Variants in SLC24A3 observed in about 807,000 individuals in gnomAD.
SLC24A3 encodes the protein sodium/potassium/calcium exchanger 3.
Under a neutral mutation model 75.8 loss-of-function variants are expected in SLC24A3, and 28 were observed. The observed-to-expected ratio is 0.37, with a 90% confidence interval of 0.27 to 0.51. The LOEUF (loss-of-function observed/expected upper bound fraction) is 0.51. SLC24A3 is among the 20% of genes least tolerant of loss of function. The pLI is 0.94. For synonymous variants in SLC24A3, 372 were observed against 334.1 expected (o/e 1.11, Z -1.24); for missense variants, 663 against 847.8 (o/e 0.78, Z 2.71).
At chr20:19,347,222 G>C (rs1283625522) in intron 2 of SLC24A3, among the ~76,000 whole-genome samples, 3 of 152,158 alleles carry the variant, frequency 2.0e-5, no homozygotes, top group Non-Finnish European at 4.4e-5. Flanking sequence ...GGGGTAGGGA[G>C]GAAGGAGGGA....
chr20:19,327,786 C>T (rs965338537), intron 2 of SLC24A3, among the ~76,000 whole-genome samples: 5 of 152,222 alleles, frequency 3.3e-5, no homozygotes, highest in East Asian at 1.9e-4. Context: ...TATGTAGAAG[C>T]GCGTTCATTC....
At chr20:19,556,319 C>A (rs959413165) in intron 3 of SLC24A3, among the ~76,000 whole-genome samples, 2 of 152,074 alleles carry the variant, frequency 1.3e-5, no homozygotes, top group Admixed American at 1.3e-4. Flanking sequence ...AAATAAAATT[C>A]TTTTCTTGCT....
chr20:19,668,751 C>T (rs1050676053), intron 8 of SLC24A3, among the ~76,000 whole-genome samples: 2 of 152,188 alleles, frequency 1.3e-5, no homozygotes, highest in Non-Finnish European at 1.5e-5. Context: ...GTAGCAGGTA[C>T]TAGAAGAACC....
intron 2 of SLC24A3, among the ~76,000 whole-genome samples, chr20:19,395,640 G>C (rs190781670): frequency 6.6e-6 from 1 of 152,178 alleles, no homozygotes; most frequent in Non-Finnish European, 1.5e-5. Context: ...GTAACTAAAC[G>C]CTGAAAATGT....
chr20:19,349,723 T>C (rs772606664), intron 2 of SLC24A3, among the ~76,000 whole-genome samples: 28 of 152,224 alleles, frequency 1.8e-4, no homozygotes, highest in Admixed American at 1.3e-3. Flanking sequence ...GACTCCTTTG[T>C]TGGCTCCTTT....
chr20:19,492,200 T>C (rs1178406335), intron 2 of SLC24A3, among the ~76,000 whole-genome samples: 1 of 152,214 alleles, frequency 6.6e-6, no homozygotes, highest in Non-Finnish European at 1.5e-5. Flanking sequence ...TCTTCTTTAC[T>C]ATACTCTAAA....
intron 6 of SLC24A3, among the ~76,000 whole-genome samples, chr20:19,615,567 C>G (rs1568673620): frequency 6.6e-6 from 1 of 152,144 alleles, no homozygotes; most frequent in African/African-American, 2.4e-5. Flanking sequence ...ACAACCAGAT[C>G]TCTAAAAAAT....
intron 6 of SLC24A3, among the ~76,000 whole-genome samples, chr20:19,628,206 AAAAAAAAAAAAAAAAAG>A (rs2031889762): frequency 6.9e-6 from 1 of 144,740 alleles, no homozygotes; most frequent in Non-Finnish European, 1.5e-5. Flanking sequence ...CCATCTCAAA[AAAAAAAAAAAAAAAAAG>A]AAAAAGAAAA....
chr20:19,693,967 G>A (rs1186386769), intron 13 of SLC24A3: 1 of 152,534 alleles, frequency 6.6e-6, no homozygotes, highest in Non-Finnish European at 1.5e-5. Context: ...AAAGGACATG[G>A]AGGAAAGGCA....
At chr20:19,584,321 G>C (rs1200664125) in intron 4 of SLC24A3, among the ~76,000 whole-genome samples, 2 of 152,046 alleles carry the variant, frequency 1.3e-5, no homozygotes. Flanking sequence ...TTTCCAGAAT[G>C]CCTCAAGGAA....
intron 2 of SLC24A3, among the ~76,000 whole-genome samples, chr20:19,318,354 T>C (rs774997999): frequency 1.9e-4 from 29 of 152,194 alleles, no homozygotes; most frequent in Non-Finnish European, 3.4e-4. Context: ...AGGTGGGCGA[T>C]GGTAGACCTA....
intron 6 of SLC24A3, among the ~76,000 whole-genome samples, chr20:19,604,917 AT>A (rs1310693955): frequency 6.6e-5 from 10 of 151,924 alleles, no homozygotes; most frequent in African/African-American, 2.4e-4. Flanking sequence ...TCTAAATCTC[AT>A]CCTTTTTCCA....
intron 1 of SLC24A3, among the ~76,000 whole-genome samples, chr20:19,263,071 G>T (rs1983046067): frequency 6.8e-6 from 1 of 146,500 alleles, no homozygotes; most frequent in South Asian, 2.1e-4. Context: ...GTGTGTGTGT[G>T]TTTTCTGTTG....
In SLC24A3 at chr20:19,480,907, A is replaced by G. The variant is rs182306822; in HGVS notation, c.272-34581A>G. On this transcript the variant is annotated intron_variant, in intron 2 of 16. Coordinates refer to ENST00000328041, the MANE Select transcript of SLC24A3 (RefSeq NM_020689.4). ...AGTAAGCCCAGAAAAATCCAATAGA[A>G]TTTAACAAATACATATTGACTACCC... Among the ~76,000 whole-genome samples the G allele has an allele frequency of 1.6e-4, 25 of 152,312 alleles. No homozygotes were observed. The East Asian group carries it at 4.2e-3, about 26-fold the overall frequency.
intron 3 of SLC24A3, among the ~76,000 whole-genome samples, chr20:19,521,764 T>C (rs567591865): frequency 1.3e-5 from 2 of 152,326 alleles, no homozygotes; most frequent in South Asian, 4.1e-4. Context: ...CAGATTGCTG[T>C]TGTTCAGAGC....
chr20:19,214,346 C>G (rs2122123366), intron 1 of SLC24A3, among the ~76,000 whole-genome samples: 1 of 152,326 alleles, frequency 6.6e-6, no homozygotes, highest in Middle Eastern at 3.4e-3. Context: ...GAAGCAGAAT[C>G]TCTCCCAGGG....
At chr20:19,492,048 G>A (rs954180104) in intron 2 of SLC24A3, among the ~76,000 whole-genome samples, 5 of 152,166 alleles carry the variant, frequency 3.3e-5, no homozygotes, top group East Asian at 1.9e-4. Context: ...ACACCGAAGC[G>A]GGGTGCAGAT....
rs190647488 is a variant in SLC24A3, at chr20:19,681,134, G to A, written c.768-724G>A. On this transcript the variant is annotated intron_variant, in intron 9 of 16. Coordinates refer to ENST00000328041, the MANE Select transcript of SLC24A3 (RefSeq NM_020689.4). ...AGGGAGACTGTAAAAAACCATCCTC[G>A]GAACTTGTACAAGCTTCTTCCCTTC... 1.9e-3 allele frequency among the ~76,000 whole-genome samples: 291 copies of A among 152,274 alleles called. 1 individual carries two copies. The highest frequency in any genetic ancestry group is 6.4e-3 in the African/African-American group (265 of 41,552).
intron 2 of SLC24A3, among the ~76,000 whole-genome samples, chr20:19,356,080 C>T (rs1423657149): frequency 6.6e-6 from 1 of 152,182 alleles, no homozygotes; most frequent in Non-Finnish European, 1.5e-5. Flanking sequence ...CAGGTATTCT[C>T]ACTGAGATGA....
Sources: gnomAD v4.1 joint callset for allele counts (sites outside exome capture counted in the v4.1 genomes callset) on GRCh38, gnomAD v4.1.1 for gene constraint, MANE v1.5 for transcripts, NCBI Gene and HGNC (gene_info 2026-07-23, HGNC 2026-07-21) for gene names.